The following LYPD1 variants were observed in gnomAD, a reference collection of about 807,000 sequenced individuals.
LYPD1 encodes ly6/PLAUR domain-containing protein 1.
A neutral mutation model predicts 14.2 loss-of-function variants in LYPD1; 14 were observed. That is an observed-to-expected ratio of 0.99 (90% CI 0.65 to 1.54). The LOEUF (loss-of-function observed/expected upper bound fraction) is 1.54. LYPD1 is among the 40% of genes most tolerant of loss of function. LYPD1 has a pLI of 0.00. For synonymous variants in LYPD1, 85 were observed against 70.6 expected (o/e 1.20, Z -1.02); for missense variants, 165 against 175.7 (o/e 0.94, Z 0.34).
At chr2:132,660,190 C>T (rs576241888) in intron 2 of LYPD1, among the ~76,000 whole-genome samples, 8 of 152,292 alleles carry the variant, frequency 5.3e-5, no homozygotes, top group African/African-American at 1.9e-4. Flanking sequence ...TGCACTGGAC[C>T]GCGTATCACA....
At chr2:132,661,037 C>T (rs1682903828) in intron 2 of LYPD1, among the ~76,000 whole-genome samples, 1 of 152,186 alleles carries the variant, frequency 6.6e-6, no homozygotes, top group South Asian at 2.1e-4. Context: ...CCCTTCTGCA[C>T]CACAGTGTAC....
At chr2:132,665,927 C>T (rs1683244267) in intron 2 of LYPD1, among the ~76,000 whole-genome samples, 1 of 152,266 alleles carries the variant, frequency 6.6e-6, no homozygotes, top group Middle Eastern at 3.4e-3. Flanking sequence ...CTCAGGACAA[C>T]ATATGTTATT....
At chr2:132,648,364 C>A (rs776045834) in intron 2 of LYPD1, among the ~76,000 whole-genome samples, 1 of 152,216 alleles carries the variant, frequency 6.6e-6, no homozygotes, top group African/African-American at 2.4e-5. Context: ...CCAGGCCCTC[C>A]GCCGTGTTCC....
intron 2 of LYPD1, among the ~76,000 whole-genome samples, chr2:132,664,047 G>C (rs867112049): frequency 1.3e-5 from 2 of 151,806 alleles, no homozygotes; most frequent in African/African-American, 4.8e-5. Context: ...ATATATGACT[G>C]TGTGTGTGTG....
rs1249156610 is a variant in LYPD1 at position 132,644,902 on chromosome 2, C to T, written c.*1143G>A. Reference sequence around the variant, plus strand: ...CTTTCTTTAACACAGCCAACTCCCCCGGGTTTGAAACAGTGTTAAATTCTC... The same window carrying T: ...CTTTCTTTAACACAGCCAACTCCCCTGGGTTTGAAACAGTGTTAAATTCTC... On this transcript the variant is annotated 3_prime_UTR_variant, in exon 3 of 3. Transcript: ENST00000397463. The T allele has an allele frequency of 3.5e-5, 21 of 601,912 alleles. No individual in the cohort carries two copies. The highest frequency in any genetic ancestry group is 2.1e-4 in the South Asian group (10 of 46,578). 37.3% of individuals were successfully genotyped at this position (601,912 alleles called of 1,614,324 possible).
chr2:132,647,852 A>T (rs148122460), intron 2 of LYPD1, among the ~76,000 whole-genome samples: 3 of 152,140 alleles, frequency 2.0e-5, no homozygotes, highest in Admixed American at 6.5e-5. Context: ...GAGAATTGCC[A>T]CTTTGGGTGC....
At chr2:132,666,961 T>C (rs1304994353) in intron 2 of LYPD1, 1 of 152,198 alleles carries the variant, frequency 6.6e-6, no homozygotes, top group East Asian at 1.9e-4. Context: ...CTGCAAATAT[T>C]TGAAAGTAAC....
intron 2 of LYPD1, among the ~76,000 whole-genome samples, chr2:132,650,715 T>TAAAAAA (rs869233095): frequency 9.7e-6 from 1 of 102,862 alleles, no homozygotes; most frequent in Non-Finnish European, 2.2e-5. Context: ...CTCCTTCCTT[T>TAAAAAA]AAAAAAAAAA....
intron 2 of LYPD1, chr2:132,646,551 ATAGACTTATTTACATTTTAAGT>A: frequency 2.9e-6 from 1 of 345,894 alleles, no homozygotes. Context: ...GAGCTGTTAA[ATAGACTTATTTACATTTTAAGT>A]CAGAGTTCAC....
intron 2 of LYPD1, among the ~76,000 whole-genome samples, chr2:132,664,581 T>G (rs1683164531): frequency 6.6e-6 from 1 of 152,246 alleles, no homozygotes; most frequent in African/African-American, 2.4e-5. Context: ...ATTAGGTTAC[T>G]GATTCAGACC....
At position 132,669,497 on chromosome 2, in the gene LYPD1, T is replaced by G. The variant is rs909727974; in HGVS notation, c.52+384A>C. 6.6e-6 allele frequency among the ~76,000 whole-genome samples: 1 copy of G among 151,956 alleles called. No homozygotes were observed. The highest frequency in any genetic ancestry group is 1.5e-5 in the Non-Finnish European group (1 of 67,954). ...CAGGCTGCCTCGCGCATCGCTCACC[T>G]GTCGGCGGCGCCACTCCCACGGGGT... On this transcript the variant is annotated intron_variant, in intron 1 of 2. Coordinates refer to ENST00000397463, the MANE Select transcript of LYPD1 (RefSeq NM_144586.7). The surrounding 1 kb of genome is among the most constrained non-coding windows in gnomAD (Gnocchi z 4.3).
Position 132,646,154 on chromosome 2 carries a change from CAA to C in LYPD1, c.315_316del (p.Cys106Ter). ...CCTTTTCTTGGGCCTTGGCCCGTTA[CAA>C]AGAGGGGTGTTGCAGCAGCTGATGC... On this transcript the variant is annotated frameshift_variant, in exon 3 of 3. Coordinates refer to ENST00000397463, the MANE Select transcript of LYPD1 (RefSeq NM_144586.7). LOFTEE classifies it high-confidence loss of function. 6.2e-7 allele frequency: 1 copy of C among 1,611,948 alleles called. No homozygotes were observed. Among genetic ancestry groups the C allele is most frequent in the Non-Finnish European group, 8.5e-7 (1 of 1,178,794 alleles).
In LYPD1 at chr2:132,650,671, G is replaced by T. The variant is rs1003710941; in HGVS notation, c.191-4391C>A. The stretch of plus-strand genomic sequence containing the variant: ...AAAACAAAGCAAAGTATGTCTGGAA[G>T]TTCCCTCCTTCCTTTTCTCTCCCTC... On this transcript the variant is annotated intron_variant, in intron 2 of 2. Coordinates refer to ENST00000397463, the MANE Select transcript of LYPD1 (RefSeq NM_144586.7). 3.3e-5 allele frequency among the ~76,000 whole-genome samples: 5 copies of T among 150,390 alleles called. No individual in the cohort carries two copies. The East Asian group carries it at 7.7e-4, about 23-fold the overall frequency.
intron 2 of LYPD1, among the ~76,000 whole-genome samples, chr2:132,665,255 T>TA (rs1424234438): frequency 6.6e-6 from 1 of 152,264 alleles, no homozygotes; most frequent in African/African-American, 2.4e-5. Flanking sequence ...GGCCTATGCA[T>TA]ATTGCATGGC....
intron 2 of LYPD1, among the ~76,000 whole-genome samples, chr2:132,662,367 G>A (rs1207490842): frequency 6.6e-6 from 1 of 152,212 alleles, no homozygotes; most frequent in Non-Finnish European, 1.5e-5. Flanking sequence ...GGGAGGCTAA[G>A]CCCCTGGGAT....
rs201987830 is a variant in LYPD1 at position 132,657,754 on chromosome 2, A to G, written c.190+10646T>C. On this transcript the variant is annotated intron_variant, in intron 2 of 2. Coordinates refer to ENST00000397463, the MANE Select transcript of LYPD1 (RefSeq NM_144586.7). ...GGTATATGTGTTTCTTTTCTTCCAA[A>G]GGGTGACAGTGATCCAGGATGAAGG... is the stretch of plus-strand genomic sequence containing the variant. Among the ~76,000 whole-genome samples, 11 of 152,352 alleles carry G rather than the reference A, an allele frequency of 7.2e-5. 1 individual carries two copies. The East Asian group carries it at 1.9e-3, about 27-fold the overall frequency.
chr2:132,653,989 C>A (rs2104906025), intron 2 of LYPD1, among the ~76,000 whole-genome samples: 1 of 82,748 alleles, frequency 1.2e-5, no homozygotes, highest in African/African-American at 9.1e-5. Context: ...GGAGACATGA[C>A]AATGAAATGC....
chr2:132,665,126 A>G (rs1402236211), intron 2 of LYPD1, among the ~76,000 whole-genome samples: 2 of 152,212 alleles, frequency 1.3e-5, no homozygotes, highest in African/African-American at 2.4e-5. Context: ...CATAATAGCA[A>G]TGTCACTCTG....
chr2:132,662,850 G>A (rs1683036266), intron 2 of LYPD1, among the ~76,000 whole-genome samples: 1 of 152,190 alleles, frequency 6.6e-6, no homozygotes, highest in African/African-American at 2.4e-5. Flanking sequence ...AGGAATTAGT[G>A]TTATGGGAGA....
Sources: allele counts gnomAD v4.1 joint callset (sites outside exome capture counted in the v4.1 genomes callset), GRCh38; gene constraint gnomAD v4.1.1; non-coding constraint Gnocchi (gnomAD v3.1); transcripts MANE v1.5; gene names NCBI Gene and HGNC (gene_info 2026-07-23, HGNC 2026-07-21).